The following MED12 variants were observed in gnomAD, a reference collection of about 807,000 sequenced individuals.
MED12 encodes mediator complex subunit 12.
In MED12, 10 loss-of-function variants were observed where a neutral mutation model predicts 177.7. That is an observed-to-expected ratio of 0.06 (90% confidence interval 0.03 to 0.10). The LOEUF (loss-of-function observed/expected upper bound fraction) is 0.10, where lower values mean the gene tolerates loss of function less well. MED12 is among the 10% of genes least tolerant of loss of function. MED12 has a pLI of 1.00. For synonymous variants in MED12, 641 were observed against 678.4 expected (o/e 0.94, Z 0.86); for missense variants, 867 against 1,780.8 (o/e 0.49, Z 9.23).
At chrX:71,135,407 ACT>A (rs2092329554) in intron 36 of MED12, among the ~76,000 whole-genome samples, 154 bp downstream of exon 36, 1 of 97,612 alleles carries the variant, frequency 1.0e-5, no homozygotes, top group Non-Finnish European at 2.3e-5. Flanking sequence ...TGAGCAAATC[ACT>A]TAACTTTCCT....
Position 71,137,328 on chromosome X carries a change from A to G in MED12, c.5693A>G (p.Tyr1898Cys). The part of the protein sequence containing the change: ...LEPSSYKTSV[Y>C]RQQQPAVPQG... ...CCCTCCTCTTATAAGACCTCTGTGT[A>G]CCGGCAGCAGCAACCTGCGGTGCCC... Residue 1898 changes from tyrosine (Y) to cysteine (C), a missense_variant, in exon 39 of 45, where the codon TAC becomes TGC. Tyr to Cys is a radical substitution (Grantham distance 194). Around this residue, in one of 14 missense-constraint regions of MED12, gnomAD observed 236 missense variants for 345.2 expected, o/e 0.68. Coordinates refer to ENST00000374080, the MANE Select transcript of MED12 (RefSeq NM_005120.3). 1 of 1,211,696 alleles carries G rather than the reference A, an allele frequency of 8.3e-7. No individual in the cohort carries two copies. The highest frequency in any genetic ancestry group is 1.1e-6 in the Non-Finnish European group (1 of 895,466).
rs2147830828 is a variant in MED12, at chrX:71,137,808, G to C, written c.5909G>C (p.Ser1970Thr). 1 of 1,211,354 alleles carries C rather than the reference G, an allele frequency of 8.3e-7. No homozygotes were observed. The highest frequency in any genetic ancestry group is 1.1e-6 in the Non-Finnish European group (1 of 895,395). ...AGTMVPPSYS[S>T]QPYQSTHPST... is the part of the protein sequence containing the mutation. The stretch of plus-strand genomic sequence containing the variant: ...ACCATGGTGCCCCCCAGCTACTCCA[G>C]CCAGCCTTACCAGAGCACCCACCCT... Residue 1970 changes from serine to threonine, a missense_variant, in exon 41 of 45, where the codon AGC (serine) becomes ACC (threonine). Physicochemically the swap from Ser to Thr is moderately conservative, Grantham distance 58 (BLOSUM62 1). Around this residue, in one of 14 missense-constraint regions of MED12, gnomAD observed 236 missense variants for 345.2 expected, o/e 0.68. Transcript: ENST00000374080.
chrX:71,134,499 A>G (rs745330930), intron 34 of MED12, 33 bp downstream of exon 34: 2 of 987,316 alleles, frequency 2.0e-6, no homozygotes, highest in Non-Finnish European at 2.8e-6. Context: ...CTGCAGTTTC[A>G]TACCCAAGAA....
intron 35 of MED12, 120 bp downstream of exon 35, chrX:71,134,968 C>G: frequency 8.6e-7 from 1 of 1,156,573 alleles, no homozygotes; most frequent in Non-Finnish European, 1.2e-6. Context: ...TTCTTTGTTA[C>G]TCATGCCGTG....
chrX:71,140,205 G>C (rs1219164591), intron 41 of MED12, among the ~76,000 whole-genome samples: 1 of 103,270 alleles, frequency 9.7e-6, no homozygotes. Flanking sequence ...TCAGCCTCCT[G>C]AGTAGCTGGG....
chrX:71,128,203 C>T, intron 22 of MED12, 83 bp downstream of exon 22: 1 of 1,198,902 alleles, frequency 8.3e-7, no homozygotes, highest in African/African-American at 1.7e-5. Flanking sequence ...GTACTACAAC[C>T]TTGATTATTT....
chrX:71,134,820 C>G lies in MED12; in HGVS notation c.4835C>G (p.Ala1612Gly), dbSNP rs1196860822. The G allele has an allele frequency of 8.3e-7, 1 of 1,209,354 alleles. No individual in the cohort carries two copies. Among genetic ancestry groups the G allele is most frequent in the Non-Finnish European group, 1.1e-6 (1 of 895,158 alleles). ...GGTAGCATGGAGGAAAACAAGCGTG[C>G]ATACATGAACCTGGCGAAGAAGTTG... is the stretch of plus-strand genomic sequence containing the variant. ...SQGSMEENKR[A>G]YMNLAKKLQK... The change falls in exon 35 of 45, where the codon GCA becomes GGA. Residue 1612 changes from alanine (A) to glycine (G), a missense_variant. Around this residue, in one of 14 missense-constraint regions of MED12, gnomAD observed 36 missense variants for 141.5 expected, o/e 0.25. Transcript: ENST00000374080.
rs750532743 is a variant in MED12, at chrX:71,122,126, GTTGGGTC to G, written c.1102-71_1102-65del. ...ATAACTTTGGATCTGGAATCTACGGGTTGGGTCTTAGAATGGGATTCCAGAGGGGTAA... is the reference window on the plus strand; with the variant it reads ...ATAACTTTGGATCTGGAATCTACGGGTTAGAATGGGATTCCAGAGGGGTAA... On this transcript the variant is annotated intron_variant, in intron 7 of 44. Coordinates refer to ENST00000374080, the MANE Select transcript of MED12 (RefSeq NM_005120.3). The G allele has an allele frequency of 3.5e-5, 41 of 1,160,459 alleles. No homozygotes were observed. In the African/African-American group the frequency reaches 4.6e-4, roughly 13 times the overall value.
rs968428355 is a variant in MED12, at chrX:71,135,135, G to A, written c.4907G>A (p.Arg1636His). The A allele has an allele frequency of 8.3e-7, 1 of 1,210,974 alleles. No individual in the cohort carries two copies. The highest frequency in any genetic ancestry group is 2.2e-5 in the Admixed American group (1 of 45,914). Reference protein sequence around the residue: ...ERQSDSLEKVRQLLPLPKQTR... With the variant: ...ERQSDSLEKVHQLLPLPKQTR... ...CAGTCAGACAGTCTGGAAAAGGTTC[G>A]CCAGCTGCTGCCACTGCCCAAGCAG... Residue 1636 changes from arginine to histidine, a missense_variant, in exon 36 of 45, where the codon CGC becomes CAC. By Grantham distance (29) the Arg-to-His change is conservative. Coordinates refer to ENST00000374080, the MANE Select transcript of MED12 (RefSeq NM_005120.3).
Position 71,137,184 on chromosome X carries a change from C to T in MED12, c.5552-3C>T, listed in dbSNP as rs2147828860. On this transcript the variant is annotated splice_polypyrimidine_tract_variant and splice_region_variant and intron_variant, in intron 38 of 44. Coordinates refer to ENST00000374080, the MANE Select transcript of MED12 (RefSeq NM_005120.3). ...CTAGAGGTCAGCCCACTCTCCTTTTCAGGTGGCCCTCGTGTGGACCCATAC... is the reference window on the plus strand; with the variant it reads ...CTAGAGGTCAGCCCACTCTCCTTTTTAGGTGGCCCTCGTGTGGACCCATAC... 4 of 1,211,633 alleles carry T rather than the reference C, an allele frequency of 3.3e-6. No homozygotes were observed. The highest frequency in any genetic ancestry group is 4.5e-6 in the Non-Finnish European group (4 of 895,220).
chrX:71,127,528 C>T (rs2092306326), intron 21 of MED12, 61 bp downstream of exon 21: 1 of 1,070,666 alleles, frequency 9.3e-7, no homozygotes, highest in Non-Finnish European at 1.3e-6. Flanking sequence ...CCCATGACCA[C>T]CCAACTCAGG....
In MED12 at chrX:71,118,700, G is replaced by A. The variant is rs1028758662; in HGVS notation, c.-55G>A. ...TTTTCGGCTCCCTCTCCCCCTTCCC[G>A]TTCCCCCAGTCAGCCTGGCCCTGCT... On this transcript the variant is annotated 5_prime_UTR_variant, in exon 1 of 45. Transcript: ENST00000374080. 1.8e-6 allele frequency: 2 copies of A among 1,116,747 alleles called. No individual in the cohort carries two copies. The highest frequency in any genetic ancestry group is 3.7e-5 in the African/African-American group (2 of 54,028). 92.0% of individuals were successfully genotyped at this position (1,116,747 alleles called of 1,213,427 possible). A position where few individuals can be genotyped will look rare whatever the true frequency, so the allele number is the denominator to read the frequency against.
At chrX:71,129,876 A>C in intron 27 of MED12, 21 bp downstream of exon 27, 1 of 1,208,288 alleles carries the variant, frequency 8.3e-7, no homozygotes, top group Non-Finnish European at 1.1e-6. Flanking sequence ...CCTTCCTCCC[A>C]CACCTCCTAA....
rs2092333970 is a variant in MED12 at position 71,136,860 on chromosome X, TC to T, written c.5401-17del. The T allele has an allele frequency of 8.3e-7, 1 of 1,208,774 alleles. No individual in the cohort carries two copies. Among genetic ancestry groups the T allele is most frequent in the Admixed American group, 2.2e-5 (1 of 45,653 alleles). The stretch of plus-strand genomic sequence containing the variant: ...TTCAGCTACAACCCACTCACCCTCT[TC>T]CTCTGCCACTCACACAGGACTATGG... On this transcript the variant is annotated intron_variant, in intron 37 of 44. Coordinates refer to ENST00000374080, the MANE Select transcript of MED12 (RefSeq NM_005120.3).
At chrX:71,124,914 T>G in intron 14 of MED12, 62 bp from the exon 15 acceptor site, 1 of 1,191,759 alleles carries the variant, frequency 8.4e-7, no homozygotes, top group Non-Finnish European at 1.1e-6. Context: ...TTTTGGCATG[T>G]TTTTTTGCCC....
Position 71,120,322 on chromosome X carries a change from T to C in MED12, c.553+152T>C, listed in dbSNP as rs1001882198. Reference sequence around the variant, plus strand: ...GTAAACACTGAGAAATTTGAGTGTCTACTGTGCGCATATACTGGGCTACAA... The same window carrying C: ...GTAAACACTGAGAAATTTGAGTGTCCACTGTGCGCATATACTGGGCTACAA... On this transcript the variant is annotated intron_variant, in intron 4 of 44. Transcript: ENST00000374080. 20 of 602,977 alleles carry C rather than the reference T, an allele frequency of 3.3e-5. No individual in the cohort carries two copies. In the Admixed American group the frequency reaches 5.2e-4, roughly 16 times the overall value. The allele number at this position is 602,977 out of a possible 1,213,427, so 49.7% of individuals were successfully genotyped here. A position where few individuals can be genotyped will look rare whatever the true frequency, so the allele number is the denominator to read the frequency against.
At chrX:71,126,538 C>A in intron 19 of MED12, 54 bp downstream of exon 19, 1 of 1,184,897 alleles carries the variant, frequency 8.4e-7, no homozygotes, top group Middle Eastern at 2.4e-4. Flanking sequence ...CATATAGCGG[C>A]TACGGAGGGT....
rs2147783088 is a variant in MED12, at chrX:71,122,500, C to T, written c.1249-8C>T. On this transcript the variant is annotated splice_region_variant and splice_polypyrimidine_tract_variant and intron_variant, in intron 8 of 44. Coordinates refer to ENST00000374080, the MANE Select transcript of MED12 (RefSeq NM_005120.3). ...ACATCCTTGTAGCCTTCCTTTTTAACATTGCAGGTCCGTGCAAAGTTGCGG... is the reference window on the plus strand; with the variant it reads ...ACATCCTTGTAGCCTTCCTTTTTAATATTGCAGGTCCGTGCAAAGTTGCGG... 1 of 1,209,327 alleles carries T rather than the reference C, an allele frequency of 8.3e-7. No homozygotes were observed. The highest frequency in any genetic ancestry group is 1.1e-6 in the Non-Finnish European group (1 of 893,166).
In MED12 at chrX:71,132,121, T is replaced by C; in HGVS notation, c.4168T>C (p.Phe1390Leu). The C allele has an allele frequency of 8.3e-7, 1 of 1,210,599 alleles. No individual in the cohort carries two copies. The highest frequency in any genetic ancestry group is 1.1e-6 in the Non-Finnish European group (1 of 894,350). Residue 1390 changes from phenylalanine (F) to leucine (L), a missense_variant, in exon 30 of 45, where the codon TTC (phenylalanine) becomes CTC (leucine). Phe to Leu is a conservative substitution (Grantham distance 22). Around this residue, in one of 14 missense-constraint regions of MED12, gnomAD observed 46 missense variants for 71.7 expected, o/e 0.64. Transcript: ENST00000374080. ...CATCGCCAAGGCCACAATCGAGGTT[T>C]TCCAACAGTCAGCAGAGACAGGGTC... Reference protein sequence around the residue: ...ENIAKATIEVFQQSAETGSSS... With the variant: ...ENIAKATIEVLQQSAETGSSS...
Sources: allele counts gnomAD v4.1 joint callset (sites outside exome capture counted in the v4.1 genomes callset), GRCh38; gene constraint gnomAD v4.1.1; regional missense constraint gnomAD v4.1.1; transcripts MANE v1.5; gene names NCBI Gene and HGNC (gene_info 2026-07-23, HGNC 2026-07-21).